NUP210: variants seen among roughly 807,000 people sequenced by gnomAD.
NUP210 encodes the protein nucleoporin 210.
Under a neutral mutation model 196.0 loss-of-function variants are expected in NUP210, and 151 were observed. The ratio of observed to expected loss-of-function variants is 0.77; its 90% CI spans 0.67 to 0.88. The LOEUF (loss-of-function observed/expected upper bound fraction) is 0.88. Among genes scored for constraint, NUP210 ranks in the 40% least tolerant of loss-of-function variants. The probability of loss-of-function intolerance (pLI) is 0.00; values close to 1 mark genes in which losing one functional copy is unlikely to be tolerated. For missense variants in NUP210, 2,314 were observed against 2,493.7 expected (o/e 0.93, Z 1.53); for synonymous variants, 1,070 against 1,052.7 (o/e 1.02, Z -0.32).
At position 13,316,574 on chromosome 3, in the gene NUP210, G is replaced by C. The variant is rs1696280633; in HGVS notation, c.*1107C>G. Reference sequence around the variant, plus strand: ...GCTGGGAAGAGAGGACTTTTCCAAGGGTCTCCTCCCCCAGGCCCTGGGGAG... The same window carrying C: ...GCTGGGAAGAGAGGACTTTTCCAAGCGTCTCCTCCCCCAGGCCCTGGGGAG... On this transcript the variant is annotated 3_prime_UTR_variant, in exon 40 of 40. Coordinates refer to ENST00000254508, the MANE Select transcript of NUP210 (RefSeq NM_024923.4). 1 of 152,236 alleles carries C rather than the reference G, an allele frequency of 6.6e-6. No homozygotes were observed. The highest frequency in any genetic ancestry group is 1.5e-5 in the Non-Finnish European group (1 of 68,044). The allele number at this position is 152,236 out of a possible 1,614,324, so 9.4% of individuals were successfully genotyped here. A position where few individuals can be genotyped will look rare whatever the true frequency, so the allele number is the denominator to read the frequency against.
chr3:13,325,138 G>A (rs969123222), intron 33 of NUP210, among the ~76,000 whole-genome samples: 6 of 152,054 alleles, frequency 3.9e-5, no homozygotes, highest in South Asian at 2.1e-4. Context: ...TCCAGCCCCC[G>A]AGGCTCTGCC....
intron 14 of NUP210, among the ~76,000 whole-genome samples, chr3:13,363,642 A>G (rs1003420004): frequency 4.6e-5 from 7 of 152,236 alleles, no homozygotes; most frequent in African/African-American, 1.4e-4. Flanking sequence ...AGAGACATCA[A>G]TTCCTCTATT....
chr3:13,415,375 G>C (rs780270709), intron 1 of NUP210, among the ~76,000 whole-genome samples: 1 of 152,176 alleles, frequency 6.6e-6, no homozygotes. Context: ...CAGGCCCTGC[G>C]GGAGCTCTGG....
intron 33 of NUP210, among the ~76,000 whole-genome samples, chr3:13,324,831 C>T (rs972626410): frequency 1.3e-5 from 2 of 152,232 alleles, no homozygotes; most frequent in Non-Finnish European, 2.9e-5. Context: ...GCAGCAGCAG[C>T]AGCAGCTAAT....
In NUP210 at chr3:13,394,817, G is replaced by A. The variant is rs1226808163; in HGVS notation, c.436+2540C>T. Among the ~76,000 whole-genome samples the A allele has an allele frequency of 1.6e-4, 25 of 152,158 alleles. 1 individual carries two copies. Among genetic ancestry groups the A allele is most frequent in the Admixed American group, 1.6e-3 (24 of 15,270 alleles). Reference sequence around the variant, plus strand: ...CATCATTTCTGGGACTGCCCTCAAAGGTTCTAAGGATCAAGTTCATCTTCA... The same window carrying A: ...CATCATTTCTGGGACTGCCCTCAAAAGTTCTAAGGATCAAGTTCATCTTCA... On this transcript the variant is annotated intron_variant, in intron 3 of 39. Coordinates refer to ENST00000254508, the MANE Select transcript of NUP210 (RefSeq NM_024923.4).
At chr3:13,364,828 CA>C (rs564904804) in intron 14 of NUP210, among the ~76,000 whole-genome samples, 4 of 151,438 alleles carry the variant, frequency 2.6e-5, no homozygotes, top group African/African-American at 9.7e-5. Context: ...AACTCTGTCT[CA>C]AAAAAAATAA....
Position 13,316,722 on chromosome 3 carries a change from C to CA in NUP210, c.*958_*959insT. ...GCCTGATGAGCTGCCATGAAAGTGG[C>CA]CGCCTCTCACACTGGCAGGCGGTGG... On this transcript the variant is annotated 3_prime_UTR_variant, in exon 40 of 40. Coordinates refer to ENST00000254508, the MANE Select transcript of NUP210 (RefSeq NM_024923.4). 1 of 152,310 alleles carries CA rather than the reference C, an allele frequency of 6.6e-6. No homozygotes were observed. The highest frequency in any genetic ancestry group is 1.5e-5 in the Non-Finnish European group (1 of 68,086). The allele number at this position is 152,310 out of a possible 1,614,324, so 9.4% of individuals were successfully genotyped here. A position where few individuals can be genotyped will look rare whatever the true frequency, so the allele number is the denominator to read the frequency against.
chr3:13,405,569 T>C (rs1245506395), intron 1 of NUP210, among the ~76,000 whole-genome samples: 1 of 152,156 alleles, frequency 6.6e-6, no homozygotes, highest in Non-Finnish European at 1.5e-5. Flanking sequence ...GAGCTATATA[T>C]ATATGACATA....
In NUP210 at chr3:13,400,181, G is replaced by A. The variant is rs537215041; in HGVS notation, c.168-320C>T. On this transcript the variant is annotated intron_variant, in intron 1 of 39. Coordinates refer to ENST00000254508, the MANE Select transcript of NUP210 (RefSeq NM_024923.4). ...ACCGTCCAAGACTCCTGCAGATGTG[G>A]GAGTCGTTCAGTACCAGCAGGAAAG... Among the ~76,000 whole-genome samples the A allele has an allele frequency of 2.6e-5, 4 of 152,308 alleles. No individual in the cohort carries two copies. In the South Asian group the frequency reaches 8.3e-4, roughly 32 times the overall value.
At chr3:13,360,243 G>A in intron 15 of NUP210, 27 bp downstream of exon 15, 1 of 1,585,802 alleles carries the variant, frequency 6.3e-7, no homozygotes, top group Non-Finnish European at 8.7e-7. Context: ...TTAGGGCAAG[G>A]AGGGTCTGGA....
intron 30 of NUP210, 25 bp downstream of exon 30, chr3:13,330,434 CA>C (rs35252633): frequency 3.1e-6 from 5 of 1,607,916 alleles, no homozygotes; most frequent in Non-Finnish European, 4.3e-6. Context: ...TTCATTACTC[CA>C]AAAAGGAGGA....
intron 6 of NUP210, 23 bp downstream of exon 6, chr3:13,386,252 T>C (rs1443012658): frequency 3.1e-6 from 5 of 1,602,336 alleles, no homozygotes; most frequent in Non-Finnish European, 2.6e-6. Context: ...GCATCTGTCA[T>C]GATGGCAGAG....
chr3:13,332,265 T>C (rs757178868), intron 29 of NUP210, 28 bp downstream of exon 29: 2 of 1,585,836 alleles, frequency 1.3e-6, no homozygotes, highest in South Asian at 1.1e-5. Flanking sequence ...CGCACAACTT[T>C]GCTGGAAACA....
intron 14 of NUP210, among the ~76,000 whole-genome samples, chr3:13,362,499 A>C (rs1214807282): frequency 6.6e-6 from 1 of 152,180 alleles, no homozygotes; most frequent in East Asian, 1.9e-4. Context: ...CAAGAAAGAA[A>C]TTTCTGTTGT....
intron 16 of NUP210, among the ~76,000 whole-genome samples, chr3:13,355,836 C>G (rs1031182999): frequency 2.0e-5 from 3 of 152,232 alleles, no homozygotes. Context: ...GGCTGGAAAA[C>G]CAATGCTCCT....
At chr3:13,388,518 AC>A (rs1367965347) in intron 4 of NUP210, 65 bp from the exon 5 acceptor site, 1 of 1,503,940 alleles carries the variant, frequency 6.6e-7, no homozygotes, top group African/African-American at 1.4e-5. Flanking sequence ...GTCAGAATCT[AC>A]CACAGCATTC....
At position 13,372,013 on chromosome 3, in the gene NUP210, T is replaced by C. The variant is rs1247697520; in HGVS notation, c.1607A>G (p.His536Arg). 3 of 1,584,138 alleles carry C rather than the reference T, an allele frequency of 1.9e-6. No homozygotes were observed. The highest frequency in any genetic ancestry group is 2.6e-6 in the Non-Finnish European group (3 of 1,164,122). ...GEMKVYVIEP[H>R]SMEFAPCQVE... is the part of the protein sequence containing the mutation. ...CTGGCACGGGGCAAACTCCATGCTG[T>C]GGGGCTCGATCACATACACCTGGAA... The change falls in exon 13 of 40, where the codon CAC becomes CGC. Residue 536 changes from histidine to arginine, a missense_variant. Transcript: ENST00000254508.
At chr3:13,343,336 T>TGGGGGGGGGGGGGGGGGGGGGGGGGG in intron 20 of NUP210, 33 bp from the exon 21 acceptor site, 1 of 260,402 alleles carries the variant, frequency 3.8e-6, no homozygotes, top group East Asian at 9.5e-5. Flanking sequence ...GAGGGGTGGG[T>TGGGGGGGGGGGGGGGGGGGGGGGGGG]GGTGGGTTAC....
At chr3:13,342,249 C>CTCCTG in intron 21 of NUP210, 126 bp from the exon 22 acceptor site, 1 of 1,219,460 alleles carries the variant, frequency 8.2e-7, no homozygotes, top group Non-Finnish European at 1.1e-6. Context: ...TCAGGAGAGT[C>CTCCTG]ACCCAGGTTG....
Sources: gnomAD v4.1 joint callset for allele counts (sites outside exome capture counted in the v4.1 genomes callset) on GRCh38, gnomAD v4.1.1 for gene constraint, MANE v1.5 for transcripts, NCBI Gene and HGNC (gene_info 2026-07-23, HGNC 2026-07-21) for gene names.